The following FAM184B variants were observed in gnomAD, a reference collection of about 807,000 sequenced individuals.
The protein encoded by FAM184B is protein FAM184B.
In FAM184B, 111 loss-of-function variants were observed where a neutral mutation model predicts 135.9. That is an observed-to-expected ratio of 0.82 (90% CI 0.70 to 0.96). FAM184B has a LOEUF of 0.96. Ranked by LOEUF, FAM184B falls within the 40% of genes least tolerant of loss-of-function variation. FAM184B has a pLI of 0.00. For synonymous variants in FAM184B, 552 were observed against 524.8 expected (o/e 1.05, Z -0.71); for missense variants, 1,375 against 1,323.9 (o/e 1.04, Z -0.60).
intron 13 of FAM184B, among the ~76,000 whole-genome samples, chr4:17,640,481 C>CAAAAAAA (rs200666429): frequency 7.8e-6 from 1 of 127,428 alleles, no homozygotes; most frequent in Non-Finnish European, 1.6e-5. Context: ...AAGACTGTCT[C>CAAAAAAA]AAAAAAAAAA....
chr4:17,634,977 A>G (rs541800438), intron 16 of FAM184B, 32 bp downstream of exon 16: 34 of 1,438,606 alleles, frequency 2.4e-5, no homozygotes, highest in Non-Finnish European at 3.1e-5. Context: ...ATGGAATTGT[A>G]TAATGCATTA....
At chr4:17,701,470 G>A (rs1166241884) in intron 5 of FAM184B, among the ~76,000 whole-genome samples, 1 of 152,220 alleles carries the variant, frequency 6.6e-6, no homozygotes, top group Non-Finnish European at 1.5e-5. Flanking sequence ...GCTGAGTGGA[G>A]AGTTGTCATT....
At chr4:17,659,827 C>T in intron 9 of FAM184B, 131 bp downstream of exon 9, 1 of 1,212,452 alleles carries the variant, frequency 8.2e-7, no homozygotes, top group South Asian at 1.6e-5. Context: ...ACCAAGAATC[C>T]CACTTTGCCC....
chr4:17,655,367 G>A (rs1715758338), intron 10 of FAM184B, among the ~76,000 whole-genome samples: 1 of 152,140 alleles, frequency 6.6e-6, no homozygotes, highest in Non-Finnish European at 1.5e-5. Context: ...TAAAGGTTCA[G>A]GTCAGCACTG....
rs1309614903 is a variant in FAM184B at position 17,660,056 on chromosome 4, G to A, written c.1726C>T (p.Pro576Ser). The stretch of plus-strand genomic sequence containing the variant: ...AACAAAGAGCCCAGTGGAGGTTGTG[G>A]GTCACTTCCCTCCTTGAGAAGCACT... ...TKVLLKEGSD[P>S]QPPLGSLLKE... The change falls in exon 9 of 18, where the codon CCA becomes TCA. Residue 576 changes from proline (P) to serine (S), a missense_variant. Pro to Ser is a moderately conservative substitution (Grantham distance 74, BLOSUM62 -1). Coordinates refer to ENST00000265018, the MANE Select transcript of FAM184B (RefSeq NM_015688.2). The A allele has an allele frequency of 2.6e-6, 4 of 1,551,376 alleles. No homozygotes were observed. The highest frequency in any genetic ancestry group is 1.4e-5 in the African/African-American group (1 of 72,976).
chr4:17,764,897 T>G (rs1577294445), intron 1 of FAM184B, among the ~76,000 whole-genome samples: 3 of 152,172 alleles, frequency 2.0e-5, no homozygotes, highest in East Asian at 3.9e-4. Flanking sequence ...AGAGCTTGTC[T>G]CTACAAAAAA....
At chr4:17,725,147 C>T (rs767594) in intron 1 of FAM184B, among the ~76,000 whole-genome samples, 56,430 of 151,924 alleles carry the variant, frequency 0.37, 12,103 homozygotes, top group Non-Finnish European at 0.49. Flanking sequence ...TGCAGGCATA[C>T]GGCAGGTCCT....
chr4:17,766,999 G>A (rs116564675), intron 1 of FAM184B, among the ~76,000 whole-genome samples: 4,336 of 152,292 alleles, frequency 0.028, 173 homozygotes, highest in African/African-American at 0.088. Context: ...CAGCGCCAGC[G>A]GGCCAGCACT....
chr4:17,639,226 C>G (rs761175618), intron 14 of FAM184B, 24 bp downstream of exon 14: 1 of 1,550,654 alleles, frequency 6.4e-7, no homozygotes, highest in African/African-American at 1.4e-5. Flanking sequence ...CAAGACCCTC[C>G]CTGGGGCCCG....
At chr4:17,708,663 C>CTATATGTA (rs1717169530) in intron 2 of FAM184B, among the ~76,000 whole-genome samples, 1 of 16,978 alleles carries the variant, frequency 5.9e-5, no homozygotes, top group Non-Finnish European at 1.0e-4. Context: ...GGAAACAAAA[C>CTATATGTA]TATATATATA....
intron 1 of FAM184B, among the ~76,000 whole-genome samples, chr4:17,773,533 G>T (rs532523657): frequency 3.8e-4 from 58 of 152,258 alleles, no homozygotes; most frequent in African/African-American, 1.4e-3. Context: ...CTTCTCCTGT[G>T]TGTGGTCTGG....
At chr4:17,720,256 T>A (rs932273721) in intron 1 of FAM184B, among the ~76,000 whole-genome samples, 8 of 152,352 alleles carry the variant, frequency 5.3e-5, no homozygotes, top group South Asian at 2.1e-4. Context: ...ATATTGAACC[T>A]GCAGCTCAAA....
chr4:17,721,383 C>CAAAAAAAAAGAA (rs1717523430), intron 1 of FAM184B, among the ~76,000 whole-genome samples: 1 of 47,384 alleles, frequency 2.1e-5, no homozygotes, highest in Non-Finnish European at 4.0e-5. Flanking sequence ...GATTCTGTCT[C>CAAAAAAAAAGAA]AAAAAAAAAA....
rs1715824619 is a variant in FAM184B at position 17,658,237 on chromosome 4, T to C, written c.2037+113A>G. 3.0e-6 allele frequency: 3 copies of C among 996,568 alleles called. No homozygotes were observed. In the African/African-American group the frequency reaches 4.9e-5, roughly 16 times the overall value. 61.7% of individuals were successfully genotyped at this position (996,568 alleles called of 1,614,324 possible). A position where few individuals can be genotyped will look rare whatever the true frequency, so the allele number is the denominator to read the frequency against. On this transcript the variant is annotated intron_variant, in intron 10 of 17. Coordinates refer to ENST00000265018, the MANE Select transcript of FAM184B (RefSeq NM_015688.2). Reference sequence around the variant, plus strand: ...AAAAGGGAATACAATAATAACAATCTGGAAAGATGCTCGGGGGATTGGATG... The same window carrying C: ...AAAAGGGAATACAATAATAACAATCCGGAAAGATGCTCGGGGGATTGGATG...
At chr4:17,668,556 G>A (rs770494469) in intron 7 of FAM184B, among the ~76,000 whole-genome samples, 11 of 152,028 alleles carry the variant, frequency 7.2e-5, no homozygotes, top group Admixed American at 2.0e-4. Flanking sequence ...TTTTTGAGAC[G>A]GAGTCTTGCT....
At chr4:17,693,475 C>T in intron 5 of FAM184B, 63 bp from the exon 6 acceptor site, 3 of 1,270,312 alleles carry the variant, frequency 2.4e-6, no homozygotes, top group Non-Finnish European at 3.4e-6. Flanking sequence ...AATGTTTTCA[C>T]ACCCTGCCTT....
At chr4:17,738,908 G>T (rs1264299154) in intron 1 of FAM184B, among the ~76,000 whole-genome samples, 1 of 152,174 alleles carries the variant, frequency 6.6e-6, no homozygotes, top group East Asian at 1.9e-4. Context: ...CTCGCCATGT[G>T]ATCTCTGCAC....
At chr4:17,673,026 A>G (rs1716214335) in intron 7 of FAM184B, among the ~76,000 whole-genome samples, 1 of 152,212 alleles carries the variant, frequency 6.6e-6, no homozygotes, top group Admixed American at 6.5e-5. Flanking sequence ...CAATCTATAC[A>G]TCTGACAAAG....
At position 17,652,825 on chromosome 4, in the gene FAM184B, T is replaced by A; in HGVS notation, c.2191+5A>T. 1 of 1,550,364 alleles carries A rather than the reference T, an allele frequency of 6.5e-7. No individual in the cohort carries two copies. Among genetic ancestry groups the A allele is most frequent in the African/African-American group, 1.4e-5 (1 of 73,130 alleles). On this transcript the variant is annotated splice_donor_5th_base_variant and intron_variant, in intron 11 of 17. Transcript: ENST00000265018. Reference sequence around the variant, plus strand: ...GCCCTCCTCAGTACACTATTGGGTGTATACCTAGCAGCAGGGCCTGCTGTG... The same window carrying A: ...GCCCTCCTCAGTACACTATTGGGTGAATACCTAGCAGCAGGGCCTGCTGTG...
Sources: allele counts gnomAD v4.1 joint callset (sites outside exome capture counted in the v4.1 genomes callset), GRCh38; gene constraint gnomAD v4.1.1; transcripts MANE v1.5; gene names NCBI Gene and HGNC (gene_info 2026-07-23, HGNC 2026-07-21).